Variants in PRDM4 observed in about 807,000 individuals in gnomAD.
PRDM4 encodes PR/SET domain 4, also known as PR domain zinc finger protein 4.
PRDM4 carries 38 observed loss-of-function variants against 62.3 expected under a neutral mutation model. That is an observed-to-expected ratio of 0.61 (90% CI 0.47 to 0.80). The LOEUF is 0.80. Ranked by LOEUF, PRDM4 falls within the 30% of genes least tolerant of loss-of-function variation. The pLI, the probability that PRDM4 is intolerant of heterozygous loss-of-function variation, is 0.00. For synonymous variants in PRDM4, 339 were observed against 348.2 expected (o/e 0.97, Z 0.30); for missense variants, 858 against 997.1 (o/e 0.86, Z 1.88).
intron 8 of PRDM4, 178 bp from the exon 9 acceptor site, chr12:107,742,526 T>A: frequency 1.5e-6 from 1 of 667,722 alleles, no homozygotes; most frequent in Non-Finnish European, 2.5e-6. Context: ...AGAAACAGAA[T>A]TCTTACTTCA....
intron 11 of PRDM4, among the ~76,000 whole-genome samples, chr12:107,738,849 ATTTTTTTT>A (rs34195920): frequency 1.0e-3 from 151 of 148,354 alleles, no homozygotes; most frequent in African/African-American, 3.7e-3. Flanking sequence ...TAAGATAACA[ATTTTTTTT>A]TTTTAACTGC....
intron 10 of PRDM4, 65 bp downstream of exon 10, chr12:107,740,881 A>G: frequency 1.3e-6 from 2 of 1,492,158 alleles, no homozygotes; most frequent in Non-Finnish European, 9.1e-7. Flanking sequence ...CCCTCTACAA[A>G]GCCTTTACTA....
At chr12:107,756,076 G>A (rs1017542921) in intron 3 of PRDM4, among the ~76,000 whole-genome samples, 2 of 151,022 alleles carry the variant, frequency 1.3e-5, no homozygotes, top group Non-Finnish European at 3.0e-5. Context: ...GTCGACAAGA[G>A]CGAAACTCCA....
At chr12:107,747,318 G>C (rs1052163557) in intron 5 of PRDM4, among the ~76,000 whole-genome samples, 2 of 151,498 alleles carry the variant, frequency 1.3e-5, no homozygotes, top group African/African-American at 4.9e-5. Flanking sequence ...GGCCACGGTG[G>C]TACAGCTGGC....
intron 11 of PRDM4, among the ~76,000 whole-genome samples, chr12:107,736,168 G>A (rs1890323258): frequency 6.6e-6 from 1 of 152,138 alleles, no homozygotes; most frequent in East Asian, 1.9e-4. Flanking sequence ...TAGATGCTAG[G>A]GCTATAGGAT....
Position 107,761,088 on chromosome 12 carries a change from C to T in PRDM4, c.-388G>A, listed in dbSNP as rs1891237019. 6.6e-6 allele frequency: 1 copy of T among 151,588 alleles called. No homozygotes were observed. The highest frequency in any genetic ancestry group is 1.5e-5 in the Non-Finnish European group (1 of 67,948). The allele number at this position is 151,588 out of a possible 1,614,324, so 9.4% of individuals were successfully genotyped here. ...GGGCCGCTGCCCTAACGTTTCCCGT[C>T]CCGCCCGGCCCTTCCCGGCCCGCGG... On this transcript the variant is annotated 5_prime_UTR_variant, in exon 1 of 12. Coordinates refer to ENST00000228437, the MANE Select transcript of PRDM4 (RefSeq NM_012406.4).
chr12:107,734,634 T>C (rs1013840637), intron 11 of PRDM4, 112 bp from the exon 12 acceptor site: 9 of 1,034,632 alleles, frequency 8.7e-6, no homozygotes, highest in Non-Finnish European at 1.3e-5. Context: ...TCCTTCTGAA[T>C]CAGGCTTTTG....
rs572360052 is a variant in PRDM4 at position 107,739,633 on chromosome 12, C to T, written c.1925-82G>A. On this transcript the variant is annotated intron_variant, in intron 10 of 11. Coordinates refer to ENST00000228437, the MANE Select transcript of PRDM4 (RefSeq NM_012406.4). ...ACACACAGGCACACATATGTGCATGCAGCAGAGGCAGGAATGAAACAGAGC... is the reference window on the plus strand; with the variant it reads ...ACACACAGGCACACATATGTGCATGTAGCAGAGGCAGGAATGAAACAGAGC... The T allele has an allele frequency of 2.5e-5, 35 of 1,374,428 alleles. No individual in the cohort carries two copies. The South Asian group carries it at 3.3e-4, about 13-fold the overall frequency. The allele number at this position is 1,374,428 out of a possible 1,614,324, so 85.1% of individuals were successfully genotyped here. A position where few individuals can be genotyped will look rare whatever the true frequency, so the allele number is the denominator to read the frequency against.
intron 11 of PRDM4, among the ~76,000 whole-genome samples, chr12:107,736,353 AG>A (rs1221214491): frequency 1.3e-5 from 2 of 152,230 alleles, no homozygotes; most frequent in Non-Finnish European, 2.9e-5. Context: ...GGCCCTCCTG[AG>A]GAGATAACAT....
In PRDM4 at chr12:107,734,528, AGG is replaced by A; in HGVS notation, c.2094-8_2094-7del. ...GACACTTGATCTGGCGTTCTCTAAG[AGG>A]AACACAAGAAAAAACATTTGATTTG... On this transcript the variant is annotated splice_region_variant and splice_polypyrimidine_tract_variant and intron_variant, in intron 11 of 11. Coordinates refer to ENST00000228437, the MANE Select transcript of PRDM4 (RefSeq NM_012406.4). 6.2e-7 allele frequency: 1 copy of A among 1,601,362 alleles called. No homozygotes were observed. The highest frequency in any genetic ancestry group is 1.3e-5 in the African/African-American group (1 of 74,380).
intron 11 of PRDM4, among the ~76,000 whole-genome samples, chr12:107,738,771 A>T (rs1467734272): frequency 6.6e-6 from 1 of 152,138 alleles, no homozygotes; most frequent in Non-Finnish European, 1.5e-5. Flanking sequence ...CTTTCCTTAA[A>T]ATCCTATAGT....
At chr12:107,758,584 C>T (rs1593179129) in intron 2 of PRDM4, among the ~76,000 whole-genome samples, 1 of 152,218 alleles carries the variant, frequency 6.6e-6, no homozygotes, top group East Asian at 1.9e-4. Context: ...AAATTCAGAA[C>T]TAATTTAAGA....
chr12:107,760,596 G>T lies in PRDM4; in HGVS notation c.-81C>A. ...CAGGGTTTGCGTTCCAGGGTCACGTGCTACCACATCTTGCTCACAACCGCT... is the reference window on the plus strand; with the variant it reads ...CAGGGTTTGCGTTCCAGGGTCACGTTCTACCACATCTTGCTCACAACCGCT... On this transcript the variant is annotated 5_prime_UTR_variant, in exon 2 of 12. Coordinates refer to ENST00000228437, the MANE Select transcript of PRDM4 (RefSeq NM_012406.4). The T allele has an allele frequency of 6.4e-7, 1 of 1,555,264 alleles. No homozygotes were observed.
intron 6 of PRDM4, 92 bp downstream of exon 6, chr12:107,746,183 A>G: frequency 3.4e-6 from 5 of 1,484,918 alleles, no homozygotes; most frequent in African/African-American, 1.4e-5. Flanking sequence ...TTTGGTCCAA[A>G]TAATTACTAA....
chr12:107,734,754 A>G (rs1355189020), intron 11 of PRDM4, among the ~76,000 whole-genome samples: 4 of 152,246 alleles, frequency 2.6e-5, no homozygotes, highest in African/African-American at 7.2e-5. Context: ...TGTAAATTCT[A>G]TATGTATTTC....
In PRDM4 at chr12:107,751,338, A is replaced by C. The variant is rs1593172594; in HGVS notation, c.1126+77T>G. ...GCTTTCTATACTCCCTTAATGCCAA[A>C]CTTTACGACTTAACTTGTTAGGGAT... On this transcript the variant is annotated intron_variant, in intron 5 of 11. Transcript: ENST00000228437. 4.2e-6 allele frequency: 6 copies of C among 1,437,908 alleles called. No individual in the cohort carries two copies. The East Asian group carries it at 1.4e-4, about 33-fold the overall frequency. The allele number at this position is 1,437,908 out of a possible 1,614,324, so 89.1% of individuals were successfully genotyped here. A position where few individuals can be genotyped will look rare whatever the true frequency, so the allele number is the denominator to read the frequency against.
At chr12:107,756,523 G>T (rs543458644) in intron 3 of PRDM4, among the ~76,000 whole-genome samples, 5 of 152,218 alleles carry the variant, frequency 3.3e-5, no homozygotes, top group South Asian at 4.1e-4. Context: ...GGGTACTGAA[G>T]TGTGAACCAG....
At position 107,741,236 on chromosome 12, in the gene PRDM4, T is replaced by A. The variant is rs758764259; in HGVS notation, c.1634A>T (p.His545Leu). 1.2e-6 allele frequency: 2 copies of A among 1,612,666 alleles called. No individual in the cohort carries two copies. The highest frequency in any genetic ancestry group is 1.1e-5 in the South Asian group (1 of 91,048). Residue 545 changes from histidine to leucine, a missense_variant, in exon 10 of 12, where the codon CAT becomes CTT. By Grantham distance (99) the His-to-Leu change is moderately conservative. Transcript: ENST00000228437. ...QIGVPEHPDV[H>L]LCNCGKECNS... Reference sequence around the variant, plus strand: ...GCACTCCTTGCCACAGTTACAGAGATGCACATCTGGGTGTTCAGGAACACC... The same window carrying A: ...GCACTCCTTGCCACAGTTACAGAGAAGCACATCTGGGTGTTCAGGAACACC...
intron 4 of PRDM4, among the ~76,000 whole-genome samples, chr12:107,753,083 G>A (rs1890947892): frequency 6.6e-6 from 1 of 152,188 alleles, no homozygotes; most frequent in Non-Finnish European, 1.5e-5. Context: ...TAGAAAGTAT[G>A]GTCTTGGGCA....
Sources: gnomAD v4.1 joint callset for allele counts (sites outside exome capture counted in the v4.1 genomes callset) on GRCh38, gnomAD v4.1.1 for gene constraint, MANE v1.5 for transcripts, NCBI Gene and HGNC (gene_info 2026-07-23, HGNC 2026-07-21) for gene names.